The following ZFYVE28 variants were observed in gnomAD, a reference collection of about 807,000 sequenced individuals.
ZFYVE28 encodes the protein lateral signaling target protein 2 homolog.
In ZFYVE28, 40 loss-of-function variants were observed where a neutral mutation model predicts 82.1. The ratio of observed to expected loss-of-function variants is 0.49; its 90% confidence interval spans 0.38 to 0.63. ZFYVE28 has a LOEUF of 0.63. Among genes scored for constraint, ZFYVE28 ranks in the 30% least tolerant of loss-of-function variants. The pLI, the probability that ZFYVE28 is intolerant of heterozygous loss-of-function variation, is 0.00. For synonymous variants in ZFYVE28, 612 were observed against 546.1 expected (o/e 1.12, Z -1.68); for missense variants, 1,321 against 1,242.1 (o/e 1.06, Z -0.96).
chr4:2,276,355 C>T (rs1736445908), intron 8 of ZFYVE28, among the ~76,000 whole-genome samples: 1 of 152,226 alleles, frequency 6.6e-6, no homozygotes, highest in Non-Finnish European at 1.5e-5. Context: ...AGATGAAGCC[C>T]CTACCTTCAG....
At chr4:2,285,540 A>T (rs955960223) in intron 8 of ZFYVE28, 5 of 152,302 alleles carry the variant, frequency 3.3e-5, no homozygotes, top group African/African-American at 1.2e-4. Context: ...TTGCAAAGTC[A>T]TTCTCTCTCG....
Position 2,354,397 on chromosome 4 carries a change from G to C in ZFYVE28, c.40-324C>G, listed in dbSNP as rs73799854. The stretch of plus-strand genomic sequence containing the variant: ...CTGGTGGAGAGCCCACAGAAAAGGG[G>C]CTCTGGGAAGAGTGGGGTCCCCGGC... On this transcript the variant is annotated intron_variant, in intron 1 of 12. Coordinates refer to ENST00000290974, the MANE Select transcript of ZFYVE28 (RefSeq NM_020972.3). Among the ~76,000 whole-genome samples, 148 of 151,982 alleles carry C rather than the reference G, an allele frequency of 9.7e-4. 1 individual carries two copies. The highest frequency in any genetic ancestry group is 3.3e-3 in the African/African-American group (136 of 41,410).
Position 2,417,605 on chromosome 4 carries a change from AAGGGACAAGGAT to A in ZFYVE28, c.39+668_39+679del, listed in dbSNP as rs1435622252. 6.6e-6 allele frequency among the ~76,000 whole-genome samples: 1 copy of A among 151,922 alleles called. No individual in the cohort carries two copies. Among genetic ancestry groups the A allele is most frequent in the Admixed American group, 6.5e-5 (1 of 15,276 alleles). On this transcript the variant is annotated intron_variant, in intron 1 of 12. Transcript: ENST00000290974. This position sits in a 1 kb window ranked among gnomAD's most constrained non-coding sequence, Gnocchi z 4.8. ...CGGATTCCAGAGGACGTGGGTGGGG[AAGGGACAAGGAT>A]AGGGACAAGGGAGGGGACGCGAACT...
chr4:2,301,155 A>AG (rs1715458102), intron 8 of ZFYVE28, among the ~76,000 whole-genome samples: 1 of 152,148 alleles, frequency 6.6e-6, no homozygotes, highest in South Asian at 2.1e-4. Flanking sequence ...TATTGGTGTG[A>AG]GGTGACACCT....
rs1324403743 is a variant in ZFYVE28, at chr4:2,300,168, A to C, written c.2051+4121T>G. Reference sequence around the variant, plus strand: ...ATCTATAATTAGCAAACAGGGAGTCAGTGTTACTTTTTGCAGAAGGCAAAG... The same window carrying C: ...ATCTATAATTAGCAAACAGGGAGTCCGTGTTACTTTTTGCAGAAGGCAAAG... On this transcript the variant is annotated intron_variant, in intron 8 of 12. Transcript: ENST00000290974. The surrounding 1 kb of genome is among the most constrained non-coding windows in gnomAD (Gnocchi z 4.6). 6.6e-6 allele frequency among the ~76,000 whole-genome samples: 1 copy of C among 152,236 alleles called. No homozygotes were observed. The highest frequency in any genetic ancestry group is 1.9e-4 in the East Asian group (1 of 5,202).
intron 6 of ZFYVE28, among the ~76,000 whole-genome samples, chr4:2,321,938 C>T (rs1207678788): frequency 6.6e-6 from 1 of 152,186 alleles, no homozygotes; most frequent in Non-Finnish European, 1.5e-5. Flanking sequence ...GGCCCAGGAC[C>T]TCAGAAAAGA....
At position 2,408,261 on chromosome 4, in the gene ZFYVE28, T is replaced by C. The variant is rs564763631; in HGVS notation, c.39+10024A>G. On this transcript the variant is annotated intron_variant, in intron 1 of 12. Transcript: ENST00000290974. This position sits in a 1 kb window ranked among gnomAD's most constrained non-coding sequence, Gnocchi z 4.3. ...CTCCCTGTGAGTGCTCCCAAGAACA[T>C]CCTACCAAGCCAGCATTTCCCTGCA... Among the ~76,000 whole-genome samples the C allele has an allele frequency of 7.3e-4, 111 of 152,048 alleles. No individual in the cohort carries two copies. The highest frequency in any genetic ancestry group is 3.4e-3 in the Middle Eastern group (1 of 294).
intron 1 of ZFYVE28, among the ~76,000 whole-genome samples, chr4:2,378,608 T>C (rs1728405056): frequency 6.6e-6 from 1 of 152,182 alleles, no homozygotes. Context: ...TTTTCCTTCT[T>C]TCTTAGGGAA....
At chr4:2,380,811 C>A (rs973317035) in intron 1 of ZFYVE28, among the ~76,000 whole-genome samples, 4 of 152,194 alleles carry the variant, frequency 2.6e-5, no homozygotes, top group African/African-American at 9.6e-5. Context: ...CCTTTTGCCT[C>A]CTGCTGTGAT....
At chr4:2,279,606 T>C (rs187694343) in intron 8 of ZFYVE28, among the ~76,000 whole-genome samples, 5,818 of 151,918 alleles carry the variant, frequency 0.038, 144 homozygotes, top group African/African-American at 0.067. Context: ...GATGAAACCC[T>C]GTCTCTACTA....
intron 1 of ZFYVE28, among the ~76,000 whole-genome samples, chr4:2,356,556 C>A (rs1725361693): frequency 6.6e-6 from 1 of 152,194 alleles, no homozygotes; most frequent in African/African-American, 2.4e-5. Context: ...ACTGCTGTGT[C>A]CCTGCACTTT....
rs1204545325 is a variant in ZFYVE28, at chr4:2,318,450, C to T, written c.803+1720G>A. Among the ~76,000 whole-genome samples the T allele has an allele frequency of 2.0e-5, 3 of 152,278 alleles. 1 individual carries two copies. The highest frequency in any genetic ancestry group is 4.1e-4 in the South Asian group (2 of 4,830). ...GCGTACACCCGTAATCCCAGCTACT[C>T]AGGAGGCTGAGGCAGGAGAATCTCT... is the stretch of plus-strand genomic sequence containing the variant. On this transcript the variant is annotated intron_variant, in intron 7 of 12. Transcript: ENST00000290974.
intron 7 of ZFYVE28, among the ~76,000 whole-genome samples, chr4:2,308,764 A>G (rs2108828044): frequency 6.7e-6 from 1 of 148,786 alleles, no homozygotes; most frequent in East Asian, 2.0e-4. Flanking sequence ...AAAGAGAGAA[A>G]GAGGGAGGGA....
In ZFYVE28 at chr4:2,360,871, A is replaced by G. The variant is rs115574489; in HGVS notation, c.40-6798T>C. On this transcript the variant is annotated intron_variant, in intron 1 of 12. Transcript: ENST00000290974. ...GACAGATAAATGGGGAGGGGCGGTT[A>G]ATGTTCCATCACTGACAAAGCATCT... Among the ~76,000 whole-genome samples the G allele has an allele frequency of 4.3e-3, 652 of 152,318 alleles. 7 individuals carry two copies. The highest frequency in any genetic ancestry group is 0.014 in the African/African-American group (587 of 41,568).
rs187420864 is a variant in ZFYVE28 at position 2,388,027 on chromosome 4, C to G, written c.39+30258G>C. Among the ~76,000 whole-genome samples, 450 of 152,348 alleles carry G rather than the reference C, an allele frequency of 3.0e-3. 3 individuals carry two copies. The highest frequency in any genetic ancestry group is 0.014 in the Middle Eastern group (4 of 292). On this transcript the variant is annotated intron_variant, in intron 1 of 12. Coordinates refer to ENST00000290974, the MANE Select transcript of ZFYVE28 (RefSeq NM_020972.3). ...GACACAGCCAAGACAGGTCCTGTGA[C>G]GGGCGGCTGGCCTCCCATGGTCTGC...
chr4:2,306,480 G>A (rs1033929730), intron 7 of ZFYVE28, among the ~76,000 whole-genome samples: 5 of 152,336 alleles, frequency 3.3e-5, no homozygotes, highest in East Asian at 1.9e-4. Flanking sequence ...GCCGAGGCAC[G>A]CACCTGCTCT....
chr4:2,415,016 G>A (rs1732885973), intron 1 of ZFYVE28, among the ~76,000 whole-genome samples: 2 of 152,174 alleles, frequency 1.3e-5, no homozygotes, highest in South Asian at 4.1e-4. Flanking sequence ...TCAAAGTCAG[G>A]ATAATACTTA....
chr4:2,349,938 C>T (rs945228132), intron 2 of ZFYVE28, among the ~76,000 whole-genome samples: 1 of 151,972 alleles, frequency 6.6e-6, no homozygotes, highest in African/African-American at 2.4e-5. Context: ...GGGGAGAAAG[C>T]ATTCAGAGTT....
At chr4:2,390,411 C>A (rs1578354096) in intron 1 of ZFYVE28, among the ~76,000 whole-genome samples, 1 of 152,132 alleles carries the variant, frequency 6.6e-6, no homozygotes. Context: ...ACAGGCAGGG[C>A]CACCACAGGG....
Sources: allele counts gnomAD v4.1 joint callset (sites outside exome capture counted in the v4.1 genomes callset), GRCh38; gene constraint gnomAD v4.1.1; non-coding constraint Gnocchi (gnomAD v3.1); transcripts MANE v1.5; gene names NCBI Gene and HGNC (gene_info 2026-07-23, HGNC 2026-07-21).